The following HMGCLL1 variants were observed in gnomAD, a reference collection of about 807,000 sequenced individuals.
HMGCLL1 encodes 3-hydroxy-3-methylglutaryl-CoA lyase like 1.
A neutral mutation model predicts 39.1 loss-of-function variants in HMGCLL1; 36 were observed. That is an observed-to-expected ratio of 0.92 (90% CI 0.71 to 1.22). The LOEUF is 1.22. Ranked by LOEUF, HMGCLL1 falls within the 50% of genes most tolerant of loss-of-function variation. The pLI is 0.00. For synonymous variants in HMGCLL1, 149 were observed against 144.0 expected (o/e 1.03, Z -0.25); for missense variants, 451 against 416.5 (o/e 1.08, Z -0.72).
At chr6:55,672,419 C>T in the HMGCLL1 span, among the ~76,000 whole-genome samples, 6 of 151,760 alleles carry the variant, frequency 4.0e-5, no homozygotes, top group Non-Finnish European at 8.9e-5. Context: ...CTTTTTATGA[C>T]ATCAAATCCT....
intron 1 of HMGCLL1, among the ~76,000 whole-genome samples, chr6:55,559,282 A>G (rs1770821580): frequency 6.6e-6 from 1 of 152,174 alleles, no homozygotes; most frequent in Non-Finnish European, 1.5e-5. Flanking sequence ...TTGTTTCTAA[A>G]TGTGCCCAAT....
the HMGCLL1 span, among the ~76,000 whole-genome samples, chr6:55,643,480 A>G: frequency 1.3e-5 from 2 of 151,924 alleles, no homozygotes; most frequent in Non-Finnish European, 2.9e-5. Flanking sequence ...TTTTAATGAT[A>G]CTGATTCTTC....
chr6:55,595,965 A>G, the HMGCLL1 span, among the ~76,000 whole-genome samples: 2 of 152,128 alleles, frequency 1.3e-5, no homozygotes, highest in African/African-American at 2.4e-5. Flanking sequence ...ATAATTGTCA[A>G]TCTTCAACAT....
chr6:55,624,526 C>G, the HMGCLL1 span, among the ~76,000 whole-genome samples: 1 of 152,100 alleles, frequency 6.6e-6, no homozygotes, highest in Admixed American at 6.6e-5. Flanking sequence ...GCTTTTTGTC[C>G]TAATCTTATT....
chr6:55,457,232 G>A (rs1229779913), intron 7 of HMGCLL1, among the ~76,000 whole-genome samples: 1 of 152,174 alleles, frequency 6.6e-6, no homozygotes, highest in Non-Finnish European at 1.5e-5. Context: ...GGCACTTTAT[G>A]AGATTCACTG....
chr6:55,585,037 C>G, the HMGCLL1 span, among the ~76,000 whole-genome samples: 1 of 151,868 alleles, frequency 6.6e-6, no homozygotes, highest in Non-Finnish European at 1.5e-5. Flanking sequence ...TCTGGCTGAT[C>G]TAAATTGATC....
intron 3 of HMGCLL1, among the ~76,000 whole-genome samples, chr6:55,524,905 T>C (rs776594737): frequency 6.6e-6 from 1 of 151,802 alleles, no homozygotes; most frequent in Non-Finnish European, 1.5e-5. Flanking sequence ...AAAAGAGGAA[T>C]AAACTGTAAC....
At chr6:55,641,772 G>T in the HMGCLL1 span, among the ~76,000 whole-genome samples, 1 of 151,444 alleles carries the variant, frequency 6.6e-6, no homozygotes. Flanking sequence ...CTGTTTCCTA[G>T]CAATTGTATT....
intron 7 of HMGCLL1, among the ~76,000 whole-genome samples, chr6:55,473,224 A>G (rs1473919004): frequency 6.6e-6 from 1 of 151,310 alleles, no homozygotes; most frequent in African/African-American, 2.4e-5. Flanking sequence ...TCAAATTTAG[A>G]CCATTCACAT....
At chr6:55,580,424 T>G, upstream of HMGCLL1, among the ~76,000 whole-genome samples, 1 of 131,156 alleles carries the variant, frequency 7.6e-6, no homozygotes. Flanking sequence ...TTTTTTTTTT[T>G]TTTTTTTTTG....
chr6:55,511,595 G>A (rs1240859058), intron 5 of HMGCLL1, among the ~76,000 whole-genome samples: 1 of 152,052 alleles, frequency 6.6e-6, no homozygotes, highest in African/African-American at 2.4e-5. Context: ...TGATTATCAA[G>A]TATATGTTGA....
intron 1 of HMGCLL1, among the ~76,000 whole-genome samples, chr6:55,544,456 C>G (rs1429849978): frequency 2.6e-5 from 4 of 152,106 alleles, no homozygotes; most frequent in Non-Finnish European, 5.9e-5. Context: ...GGATAGTTGA[C>G]AGAATCAGCC....
intron 1 of HMGCLL1, among the ~76,000 whole-genome samples, chr6:55,561,707 C>T (rs930523852): frequency 6.6e-6 from 1 of 152,128 alleles, no homozygotes; most frequent in Non-Finnish European, 1.5e-5. Context: ...ACTCTTCTAT[C>T]AGTATAATGC....
intron 5 of HMGCLL1, among the ~76,000 whole-genome samples, chr6:55,506,250 C>T (rs1399859570): frequency 6.6e-6 from 1 of 151,628 alleles, no homozygotes; most frequent in African/African-American, 2.4e-5. Context: ...TCTGCCATAC[C>T]TTTTGAAACT....
At chr6:55,576,217 C>T (rs894029349) in intron 1 of HMGCLL1, among the ~76,000 whole-genome samples, 2 of 152,036 alleles carry the variant, frequency 1.3e-5, no homozygotes, top group Non-Finnish European at 1.5e-5. Flanking sequence ...AGAGATTTCA[C>T]GAGAGGGTAA....
the HMGCLL1 span, among the ~76,000 whole-genome samples, chr6:55,665,762 GA>G: frequency 1.3e-5 from 2 of 151,806 alleles, no homozygotes; most frequent in East Asian, 3.9e-4. Flanking sequence ...TTGGTTACAT[GA>G]GGAATTATTT....
intron 7 of HMGCLL1, among the ~76,000 whole-genome samples, chr6:55,453,842 C>T (rs1346066578): frequency 6.6e-6 from 1 of 152,080 alleles, no homozygotes; most frequent in African/African-American, 2.4e-5. Flanking sequence ...TGAGGAATGA[C>T]TGAAGAAAGA....
At chr6:55,591,645 T>C in the HMGCLL1 span, among the ~76,000 whole-genome samples, 1 of 151,856 alleles carries the variant, frequency 6.6e-6, no homozygotes, top group Admixed American at 6.6e-5. Flanking sequence ...TTGTTTTGTT[T>C]TCCCAAACTA....
Position 55,473,261 on chromosome 6 carries a change from G to T in HMGCLL1, c.795+22158C>A, listed in dbSNP as rs910635420. Among the ~76,000 whole-genome samples, 29 of 151,370 alleles carry T rather than the reference G, an allele frequency of 1.9e-4. 1 individual carries two copies. In the Admixed American group the frequency reaches 1.9e-3, roughly 10 times the overall value. On this transcript the variant is annotated intron_variant, in intron 7 of 8. Coordinates refer to ENST00000274901, the MANE Select transcript of HMGCLL1 (RefSeq NM_001042406.2). ...TGAAATGATTGTAGTTGGATTATAG[G>T]TGGATTAATATCCACCATATTTATA...
Sources: gnomAD v4.1 joint callset for allele counts (sites outside exome capture counted in the v4.1 genomes callset) on GRCh38, gnomAD v4.1.1 for gene constraint, MANE v1.5 for transcripts, NCBI Gene and HGNC (gene_info 2026-07-23, HGNC 2026-07-21) for gene names.